ATXN7L1: variants seen among roughly 807,000 people sequenced by gnomAD.
ATXN7L1 encodes the protein ataxin-7-like protein 1.
Under a neutral mutation model 70.8 loss-of-function variants are expected in ATXN7L1, and 15 were observed. The ratio of observed to expected loss-of-function variants is 0.21; its 90% CI spans 0.14 to 0.33. The LOEUF (loss-of-function observed/expected upper bound fraction) is 0.33. Ranked by LOEUF, ATXN7L1 falls within the 10% of genes least tolerant of loss-of-function variation. The pLI is 1.00. For synonymous variants in ATXN7L1, 440 were observed against 445.1 expected (o/e 0.99, Z 0.14); for missense variants, 975 against 1,097.1 (o/e 0.89, Z 1.57).
intron 3 of ATXN7L1, among the ~76,000 whole-genome samples, chr7:105,737,873 A>G (rs1462091081): frequency 6.6e-6 from 1 of 152,178 alleles, no homozygotes; most frequent in Non-Finnish European, 1.5e-5. Flanking sequence ...AATGGCAAAG[A>G]GTGGCCCAGA....
chr7:105,833,531 A>G (rs1043675940), intron 2 of ATXN7L1, among the ~76,000 whole-genome samples: 12 of 152,206 alleles, frequency 7.9e-5, no homozygotes, highest in Admixed American at 1.3e-4. Context: ...AGATATAGAC[A>G]TATACAAATA....
At chr7:105,701,923 T>C (rs776096223) in intron 3 of ATXN7L1, among the ~76,000 whole-genome samples, 2 of 152,224 alleles carry the variant, frequency 1.3e-5, no homozygotes, top group Non-Finnish European at 2.9e-5. Context: ...TTTAACGTCA[T>C]GTTCTCTTCC....
intron 3 of ATXN7L1, among the ~76,000 whole-genome samples, chr7:105,692,444 C>CCCTCCCTT (rs1563010073): frequency 1.1e-5 from 1 of 88,068 alleles, no homozygotes; most frequent in Admixed American, 1.3e-4. Context: ...CTCCCTCCCT[C>CCCTCCCTT]CCTTCCTTCC....
intron 3 of ATXN7L1, among the ~76,000 whole-genome samples, chr7:105,680,025 A>G (rs1483970919): frequency 6.6e-6 from 1 of 151,404 alleles, no homozygotes; most frequent in East Asian, 1.9e-4. Flanking sequence ...CCTGGTTATT[A>G]CCTGATGAAT....
intron 3 of ATXN7L1, among the ~76,000 whole-genome samples, chr7:105,733,836 GTCCACCCA>G (rs1227072871): frequency 9.3e-4 from 13 of 13,906 alleles, no homozygotes; most frequent in African/African-American, 3.5e-3. Flanking sequence ...CCCTCCATCC[GTCCACCCA>G]TCCATCCATC....
At chr7:105,644,913 T>C (rs1357512872) in intron 4 of ATXN7L1, among the ~76,000 whole-genome samples, 1 of 152,198 alleles carries the variant, frequency 6.6e-6, no homozygotes, top group Non-Finnish European at 1.5e-5. Flanking sequence ...AAATGTAGCA[T>C]CATTCAGCTT....
At chr7:105,629,974 C>T (rs1437208888) in intron 7 of ATXN7L1, among the ~76,000 whole-genome samples, 3 of 152,138 alleles carry the variant, frequency 2.0e-5, no homozygotes, top group Non-Finnish European at 4.4e-5. Context: ...TGCACCACCA[C>T]ACCTGGCTAA....
intron 3 of ATXN7L1, among the ~76,000 whole-genome samples, chr7:105,750,768 A>T (rs899549738): frequency 1.3e-5 from 2 of 152,044 alleles, no homozygotes; most frequent in Non-Finnish European, 2.9e-5. Flanking sequence ...GCGCCATTGG[A>T]CCCCAGCCTG....
At chr7:105,698,686 A>G (rs1792055028) in intron 3 of ATXN7L1, among the ~76,000 whole-genome samples, 1 of 152,118 alleles carries the variant, frequency 6.6e-6, no homozygotes, top group Non-Finnish European at 1.5e-5. Context: ...GAGAGTGAGT[A>G]TCAATGTCAG....
At chr7:105,811,047 C>T (rs191943311) in intron 2 of ATXN7L1, among the ~76,000 whole-genome samples, 5 of 152,268 alleles carry the variant, frequency 3.3e-5, no homozygotes, top group South Asian at 2.1e-4. Flanking sequence ...AAGAAAGTTA[C>T]GGGGTCCCTG....
chr7:105,634,567 G>A (rs923549046), intron 7 of ATXN7L1, among the ~76,000 whole-genome samples: 1 of 152,044 alleles, frequency 6.6e-6, no homozygotes, highest in Non-Finnish European at 1.5e-5. Flanking sequence ...TGTTGCCAAG[G>A]CTGCTGTTGA....
At chr7:105,870,448 T>C (rs897789464) in intron 2 of ATXN7L1, among the ~76,000 whole-genome samples, 5 of 152,236 alleles carry the variant, frequency 3.3e-5, no homozygotes, top group African/African-American at 1.2e-4. Flanking sequence ...TAAAGTTTTC[T>C]AGAGCTAGCT....
chr7:105,659,987 C>T (rs1801328657), intron 4 of ATXN7L1, among the ~76,000 whole-genome samples: 2 of 152,064 alleles, frequency 1.3e-5, no homozygotes, highest in Non-Finnish European at 2.9e-5. Context: ...CTGGCCCTTA[C>T]TGTCCTTCCC....
intron 4 of ATXN7L1, among the ~76,000 whole-genome samples, chr7:105,654,153 C>G (rs1182861199): frequency 6.6e-6 from 1 of 152,208 alleles, no homozygotes; most frequent in Non-Finnish European, 1.5e-5. Context: ...AATTAATGTT[C>G]TCAGTGGAAG....
intron 10 of ATXN7L1, among the ~76,000 whole-genome samples, chr7:105,611,496 C>G (rs1054383637): frequency 2.0e-5 from 3 of 152,174 alleles, no homozygotes; most frequent in African/African-American, 7.2e-5. Context: ...CTCAGCCTCC[C>G]GAGTAGCTGG....
chr7:105,610,648 T>A, intron 10 of ATXN7L1, 45 bp from the exon 11 acceptor site: 1 of 1,505,896 alleles, frequency 6.6e-7, no homozygotes, highest in African/African-American at 1.4e-5. Context: ...CGAGCCAGCC[T>A]GGGAAGGGCC....
intron 4 of ATXN7L1, among the ~76,000 whole-genome samples, chr7:105,660,553 C>G (rs1011521904): frequency 1.3e-5 from 2 of 148,552 alleles, no homozygotes; most frequent in African/African-American, 5.0e-5. Context: ...TACTACTTGT[C>G]CTTCTAATTT....
chr7:105,742,326 G>A (rs902176020), intron 3 of ATXN7L1, among the ~76,000 whole-genome samples: 1 of 152,206 alleles, frequency 6.6e-6, no homozygotes, highest in Non-Finnish European at 1.5e-5. Context: ...CTGCATCGGA[G>A]CAATAACCAG....
chr7:105,767,583 A>C (rs756826796), intron 3 of ATXN7L1, among the ~76,000 whole-genome samples: 8 of 152,194 alleles, frequency 5.3e-5, no homozygotes, highest in Non-Finnish European at 1.0e-4. Context: ...GTGTTCTCCT[A>C]CATGTTGCAG....
Sources: allele counts gnomAD v4.1 joint callset (sites outside exome capture counted in the v4.1 genomes callset), GRCh38; gene constraint gnomAD v4.1.1; transcripts MANE v1.5; gene names NCBI Gene and HGNC (gene_info 2026-07-23, HGNC 2026-07-21).